Variants in ZNF254 observed in about 807,000 individuals in gnomAD.
The protein encoded by ZNF254 is zinc finger protein 254.
ZNF254 carries 10 observed loss-of-function variants against 12.4 expected under a neutral mutation model. The observed-to-expected ratio is 0.80, with a 90% CI of 0.50 to 1.36. The LOEUF (loss-of-function observed/expected upper bound fraction) is 1.36. ZNF254 is among the 40% of genes most tolerant of loss of function. The pLI is 0.00. For synonymous variants in ZNF254, 305 were observed against 253.4 expected (o/e 1.20, Z -1.93); for missense variants, 996 against 763.9 (o/e 1.30, Z -3.58).
At chr19:24,055,075 C>T (rs928549881) in intron 2 of ZNF254, among the ~76,000 whole-genome samples, 1 of 151,216 alleles carries the variant, frequency 6.6e-6, no homozygotes, top group Non-Finnish European at 1.5e-5. Context: ...TGGTGGTGGG[C>T]ACCTGTAATC....
intron 2 of ZNF254, among the ~76,000 whole-genome samples, chr19:24,076,130 C>T (rs1206001349): frequency 2.6e-5 from 4 of 152,116 alleles, no homozygotes; most frequent in Admixed American, 6.6e-5. Context: ...AGGTGACATA[C>T]GTCCTCAGTT....
At chr19:24,099,571 A>G (rs1331581858) in intron 1 of ZNF254, among the ~76,000 whole-genome samples, 2 of 152,194 alleles carry the variant, frequency 1.3e-5, no homozygotes, top group South Asian at 4.1e-4. Context: ...GTGAAAGTCT[A>G]CCTTAAGCAG....
chr19:24,112,948 C>T (rs1973784721), intron 3 of ZNF254, among the ~76,000 whole-genome samples: 1 of 152,156 alleles, frequency 6.6e-6, no homozygotes, highest in African/African-American at 2.4e-5. Flanking sequence ...GGACAAATTC[C>T]TTGACACATA....
At chr19:24,121,079 G>A (rs1974448706) in intron 3 of ZNF254, among the ~76,000 whole-genome samples, 1 of 151,034 alleles carries the variant, frequency 6.6e-6, no homozygotes, top group Admixed American at 6.6e-5. Flanking sequence ...TAGTGGTGAT[G>A]AACTCCCTCA....
At chr19:24,090,057 G>T (rs547540517) in intron 1 of ZNF254, among the ~76,000 whole-genome samples, 1 of 151,756 alleles carries the variant, frequency 6.6e-6, no homozygotes, top group Non-Finnish European at 1.5e-5. Context: ...AAAAAGCTGG[G>T]TGTAGTGGTA....
intron 3 of ZNF254, among the ~76,000 whole-genome samples, chr19:24,116,967 C>G (rs1212941163): frequency 1.3e-5 from 2 of 152,086 alleles, no homozygotes; most frequent in African/African-American, 2.4e-5. Flanking sequence ...CACTCCAGAC[C>G]CTATTTGCTT....
intron 1 of ZNF254, among the ~76,000 whole-genome samples, chr19:24,041,643 C>A (rs1370604889): frequency 6.6e-6 from 1 of 152,246 alleles, no homozygotes; most frequent in Non-Finnish European, 1.5e-5. Context: ...CGACGAGCAC[C>A]ACCCCCTGCT....
At chr19:24,121,967 C>A (rs184087412) in intron 3 of ZNF254, among the ~76,000 whole-genome samples, 2 of 151,930 alleles carry the variant, frequency 1.3e-5, no homozygotes, top group African/African-American at 4.8e-5. Context: ...ATTTCAACAT[C>A]CTATTTATGA....
Position 24,126,520 on chromosome 19 carries a change from A to T in ZNF254, c.520A>T (p.Ile174Leu). Residue 174 changes from isoleucine to leucine, a missense_variant, in exon 4 of 4, where the codon ATA becomes TTA. By Grantham distance (5) the Ile-to-Leu change is conservative. Coordinates refer to ENST00000357002, the MANE Select transcript of ZNF254 (RefSeq NM_203282.4). ...YKFLNSNRPKIRHTEKKSFKC... is the reference protein window; with the variant it reads ...YKFLNSNRPKLRHTEKKSFKC... ...ATTTTTAAATTCAAACAGACCTAAGATAAGACATACTGAAAAGAAATCTTT... is the reference window on the plus strand; with the variant it reads ...ATTTTTAAATTCAAACAGACCTAAGTTAAGACATACTGAAAAGAAATCTTT... 3 of 1,600,024 alleles carry T rather than the reference A, an allele frequency of 1.9e-6. No homozygotes were observed. Among genetic ancestry groups the T allele is most frequent in the Non-Finnish European group, 2.6e-6 (3 of 1,175,738 alleles).
At chr19:24,083,200 A>C (rs1176146103), upstream of ZNF254, among the ~76,000 whole-genome samples, 1 of 152,178 alleles carries the variant, frequency 6.6e-6, no homozygotes, top group Non-Finnish European at 1.5e-5. Flanking sequence ...TCAAGAACTC[A>C]ACCCCTTTTA....
At chr19:24,120,395 GA>G (rs1599757776) in intron 3 of ZNF254, among the ~76,000 whole-genome samples, 1 of 151,964 alleles carries the variant, frequency 6.6e-6, no homozygotes, top group East Asian at 1.9e-4. Flanking sequence ...AACTTCAGTT[GA>G]ATATAAAAAT....
chr19:24,088,346 A>AT (rs569552856), intron 1 of ZNF254, among the ~76,000 whole-genome samples: 57 of 150,086 alleles, frequency 3.8e-4, no homozygotes, highest in East Asian at 5.8e-4. Flanking sequence ...TTGAGTTTAG[A>AT]TTTTTTTTTT....
chr19:24,098,653 A>G (rs1173586126), intron 1 of ZNF254: 2 of 152,232 alleles, frequency 1.3e-5, no homozygotes, highest in African/African-American at 4.8e-5. Context: ...GCAATCTTAT[A>G]TCTAATCTCA....
At chr19:24,040,654 C>A (rs912573715) in intron 1 of ZNF254, among the ~76,000 whole-genome samples, 1 of 152,128 alleles carries the variant, frequency 6.6e-6, no homozygotes, top group Non-Finnish European at 1.5e-5. Flanking sequence ...CGACACAATG[C>A]GAGTTTCCCA....
chr19:24,099,005 TTTTTTTTTTTTG>T, intron 1 of ZNF254: 1 of 136,316 alleles, frequency 7.3e-6, no homozygotes. Context: ...TTTTTTTTTT[TTTTTTTTTTTTG>T]AGACAGTCTT....
At chr19:24,036,123 G>A (rs1474946115) in intron 1 of ZNF254, among the ~76,000 whole-genome samples, 2 of 152,056 alleles carry the variant, frequency 1.3e-5, no homozygotes, top group Non-Finnish European at 2.9e-5. Flanking sequence ...GTGCAGTGGC[G>A]CGATCTTGGC....
At chr19:24,089,563 C>T (rs1247336936) in intron 1 of ZNF254, among the ~76,000 whole-genome samples, 1 of 152,114 alleles carries the variant, frequency 6.6e-6, no homozygotes, top group Non-Finnish European at 1.5e-5. Context: ...AAGATACCCA[C>T]CATGGCTATG....
chr19:24,100,881 G>T (rs1447021982), intron 1 of ZNF254, among the ~76,000 whole-genome samples: 1 of 149,100 alleles, frequency 6.7e-6, no homozygotes, highest in Non-Finnish European at 1.5e-5. Context: ...AGGCTGGAGT[G>T]CAATGGCTTG....
At position 24,041,644 on chromosome 19, in the gene ZNF254, A is replaced by G. The variant is rs1229155652; in HGVS notation, c.-189-4540A>G. 3.3e-5 allele frequency among the ~76,000 whole-genome samples: 5 copies of G among 152,030 alleles called. No homozygotes were observed. The East Asian group carries it at 9.7e-4, about 30-fold the overall frequency. The stretch of plus-strand genomic sequence containing the variant: ...GGCCCGAGCCTCCCCGACGAGCACC[A>G]CCCCCTGCTCCACGGCGCCCAGTCC... On this transcript the variant is annotated intron_variant, in intron 1 of 4. Coordinates refer to the ZNF254 transcript ENST00000613065.
Sources: allele counts gnomAD v4.1 joint callset (sites outside exome capture counted in the v4.1 genomes callset), GRCh38; gene constraint gnomAD v4.1.1; transcripts MANE v1.5; gene names NCBI Gene and HGNC (gene_info 2026-07-23, HGNC 2026-07-21).